SPOCK3: variants seen among roughly 807,000 people sequenced by gnomAD.
The protein encoded by SPOCK3 is testican-3.
SPOCK3 carries 30 observed loss-of-function variants against 56.6 expected under a neutral mutation model. The ratio of observed to expected loss-of-function variants is 0.53; its 90% CI spans 0.40 to 0.72. The LOEUF (loss-of-function observed/expected upper bound fraction) is 0.72, where lower values mean the gene tolerates loss of function less well. Ranked by LOEUF, SPOCK3 falls within the 30% of genes least tolerant of loss-of-function variation. The probability of loss-of-function intolerance (pLI) is 0.00; values close to 1 mark genes in which losing one functional copy is unlikely to be tolerated. For missense variants in SPOCK3, 527 were observed against 530.0 expected (o/e 0.99, Z 0.06); for synonymous variants, 196 against 183.3 (o/e 1.07, Z -0.56).
chr4:167,164,708 T>C (rs1211876405), intron 2 of SPOCK3, among the ~76,000 whole-genome samples: 1 of 152,098 alleles, frequency 6.6e-6, no homozygotes, highest in East Asian at 1.9e-4. Context: ...TTTCTGTTCC[T>C]GTGTTAGTTT....
At chr4:166,817,612 T>C (rs1360103378) in intron 6 of SPOCK3, among the ~76,000 whole-genome samples, 1 of 152,036 alleles carries the variant, frequency 6.6e-6, no homozygotes, top group Non-Finnish European at 1.5e-5. Flanking sequence ...GGTCAACACT[T>C]CCTCATCCTG....
chr4:166,752,603 C>G (rs1560821079), intron 8 of SPOCK3, among the ~76,000 whole-genome samples: 1 of 129,480 alleles, frequency 7.7e-6, no homozygotes, highest in East Asian at 2.2e-4. Flanking sequence ...CACACACACA[C>G]ACACACACAC....
At chr4:166,763,292 T>A (rs1401029989) in intron 7 of SPOCK3, among the ~76,000 whole-genome samples, 1 of 151,912 alleles carries the variant, frequency 6.6e-6, no homozygotes, top group Non-Finnish European at 1.5e-5. Flanking sequence ...GAAAAAGCCA[T>A]ACCTAGCAAG....
intron 2 of SPOCK3, among the ~76,000 whole-genome samples, chr4:167,205,368 TTTTATATATATAA>T (rs1734065019): frequency 8.2e-5 from 3 of 36,598 alleles, no homozygotes; most frequent in Admixed American, 6.1e-4. Flanking sequence ...ATATTATATA[TTTTATATATATAA>T]TATATATATT....
intron 6 of SPOCK3, among the ~76,000 whole-genome samples, chr4:166,803,618 G>C (rs1251065903): frequency 6.6e-6 from 1 of 152,180 alleles, no homozygotes; most frequent in Admixed American, 6.6e-5. Flanking sequence ...AGGATAGTGA[G>C]AGAACGAATA....
intron 6 of SPOCK3, among the ~76,000 whole-genome samples, chr4:166,860,905 T>A (rs1313491538): frequency 6.8e-6 from 1 of 148,004 alleles, no homozygotes; most frequent in Non-Finnish European, 1.5e-5. Context: ...GTTTGGTGAT[T>A]CTCAGTCTTT....
chr4:166,944,941 T>A (rs1409682457), intron 4 of SPOCK3, among the ~76,000 whole-genome samples: 1 of 152,224 alleles, frequency 6.6e-6, no homozygotes, highest in African/African-American at 2.4e-5. Context: ...GATTTCCAAT[T>A]GTATTCAGTG....
At chr4:166,829,272 GT>G (rs1467812060) in intron 6 of SPOCK3, among the ~76,000 whole-genome samples, 51 of 152,136 alleles carry the variant, frequency 3.4e-4, no homozygotes, top group Non-Finnish European at 4.4e-4. Flanking sequence ...CTATGTAAAA[GT>G]TAGCAGATAA....
chr4:166,746,199 A>G (rs747618260), intron 8 of SPOCK3, among the ~76,000 whole-genome samples: 1 of 152,242 alleles, frequency 6.6e-6, no homozygotes, highest in Non-Finnish European at 1.5e-5. Flanking sequence ...TCTCAGAAGC[A>G]CATCACACTT....
At chr4:166,982,566 CAAAT>C (rs1746704779) in intron 4 of SPOCK3, among the ~76,000 whole-genome samples, 1 of 151,518 alleles carries the variant, frequency 6.6e-6, no homozygotes, top group Admixed American at 6.6e-5. Flanking sequence ...ATAAATAAAT[CAAAT>C]AAATAAAAAA....
chr4:166,980,732 G>A (rs1214449222), intron 4 of SPOCK3, among the ~76,000 whole-genome samples: 10 of 152,236 alleles, frequency 6.6e-5, no homozygotes, highest in Non-Finnish European at 1.2e-4. Flanking sequence ...CAGATGTACC[G>A]CAAGCAGCTT....
rs559166353 is a variant in SPOCK3 at position 167,037,211 on chromosome 4, C to T, written c.235+25281G>A. Among the ~76,000 whole-genome samples the T allele has an allele frequency of 1.9e-4, 29 of 152,218 alleles. No homozygotes were observed. The South Asian group carries it at 4.2e-3, about 22-fold the overall frequency. On this transcript the variant is annotated intron_variant, in intron 3 of 10. Transcript: ENST00000357545. ...TAAAAGATTTTACAGGGGCCAGGCG[C>T]GGTGGCTCACACCTGGAATACCAGC... is the stretch of plus-strand genomic sequence containing the variant.
At chr4:166,804,008 G>T (rs1361870599) in intron 6 of SPOCK3, among the ~76,000 whole-genome samples, 1 of 152,120 alleles carries the variant, frequency 6.6e-6, no homozygotes, top group Non-Finnish European at 1.5e-5. Context: ...AGAAAGAAGG[G>T]TTCACTAGCA....
intron 4 of SPOCK3, among the ~76,000 whole-genome samples, chr4:166,933,371 T>G (rs866573665): frequency 9.2e-5 from 14 of 152,266 alleles, no homozygotes; most frequent in Middle Eastern, 6.8e-3. Flanking sequence ...CTTCCCCACC[T>G]CTCCCCTCAC....
At chr4:167,209,055 G>C (rs556458784) in intron 2 of SPOCK3, among the ~76,000 whole-genome samples, 1 of 152,140 alleles carries the variant, frequency 6.6e-6, no homozygotes, top group East Asian at 1.9e-4. Flanking sequence ...TTATTGTCTT[G>C]TTTGCTGTAC....
intron 4 of SPOCK3, among the ~76,000 whole-genome samples, chr4:166,925,573 A>C (rs991342650): frequency 5.3e-5 from 8 of 152,140 alleles, no homozygotes; most frequent in African/African-American, 1.9e-4. Context: ...ATTAATATCT[A>C]AAATACATCT....
intron 2 of SPOCK3, among the ~76,000 whole-genome samples, chr4:167,188,138 T>A (rs1165038885): frequency 6.8e-6 from 1 of 146,098 alleles, no homozygotes; most frequent in African/African-American, 2.6e-5. Flanking sequence ...CTGAAAGAAT[T>A]TGAAGACTCA....
At position 166,863,801 on chromosome 4, in the gene SPOCK3, T is replaced by A. The variant is rs186263378; in HGVS notation, c.589+25329A>T. Among the ~76,000 whole-genome samples, 938 of 152,240 alleles carry A rather than the reference T, an allele frequency of 6.2e-3. 9 individuals carry two copies. Among genetic ancestry groups the A allele is most frequent in the African/African-American group, 0.021 (882 of 41,546 alleles). On this transcript the variant is annotated intron_variant, in intron 6 of 10. Coordinates refer to ENST00000357545, the MANE Select transcript of SPOCK3 (RefSeq NM_001040159.2). ...TTCATAAAGCAAGTTCTTAGAGACC[T>A]GCAAAGAGACTTAGACTCCTACACA...
intron 2 of SPOCK3, among the ~76,000 whole-genome samples, chr4:167,179,071 C>T (rs1244111237): frequency 2.0e-5 from 3 of 152,114 alleles, no homozygotes; most frequent in Non-Finnish European, 2.9e-5. Context: ...TGACTTGTAA[C>T]ACTGCTATTT....
Sources: allele counts gnomAD v4.1 joint callset (sites outside exome capture counted in the v4.1 genomes callset), GRCh38; gene constraint gnomAD v4.1.1; transcripts MANE v1.5; gene names NCBI Gene and HGNC (gene_info 2026-07-23, HGNC 2026-07-21).